FAT3: variants seen among roughly 807,000 people sequenced by gnomAD.
FAT3 encodes protocadherin Fat 3.
Under a neutral mutation model 310.2 loss-of-function variants are expected in FAT3, and 95 were observed. The observed-to-expected ratio is 0.31, with a 90% CI of 0.26 to 0.36. The LOEUF is 0.36. Among genes scored for constraint, FAT3 ranks in the 10% least tolerant of loss-of-function variants. The pLI, the probability that FAT3 is intolerant of heterozygous loss-of-function variation, is 1.00. For missense variants in FAT3, 5,408 were observed against 5,715.6 expected, an observed-to-expected ratio of 0.95 and a Z score of 1.74; for synonymous variants, 2,314 against 2,192.9, an observed-to-expected ratio of 1.06 and a Z score of -1.54.
intron 4 of FAT3, among the ~76,000 whole-genome samples, chr11:92,718,552 A>C (rs193232947): frequency 3.3e-5 from 5 of 152,190 alleles, no homozygotes; most frequent in African/African-American, 1.2e-4. Context: ...AAATGGCATC[A>C]ATCTTGTTAT....
intron 3 of FAT3, among the ~76,000 whole-genome samples, chr11:92,594,421 G>C (rs1197346280): frequency 6.6e-6 from 1 of 152,182 alleles, no homozygotes; most frequent in African/African-American, 2.4e-5. Context: ...CACCCTGAGT[G>C]ACAGAGTGAG....
intron 4 of FAT3, among the ~76,000 whole-genome samples, chr11:92,732,262 T>C (rs1343128517): frequency 6.6e-6 from 1 of 152,188 alleles, no homozygotes; most frequent in Non-Finnish European, 1.5e-5. Context: ...TTAGAATCTA[T>C]TTATAGAAAG....
chr11:92,309,664 A>G (rs138453091), intron 1 of FAT3, among the ~76,000 whole-genome samples: 6 of 152,228 alleles, frequency 3.9e-5, no homozygotes, highest in African/African-American at 1.4e-4. Flanking sequence ...TTACCCTGGT[A>G]GCTGGTATCT....
chr11:92,550,770 C>CT (rs11472875), intron 3 of FAT3, among the ~76,000 whole-genome samples: 22,247 of 142,058 alleles, frequency 0.16, 2,302 homozygotes, highest in Non-Finnish European at 0.23. Context: ...CCACATTTAT[C>CT]TTTTTTTTTT....
chr11:92,690,197 C>T (rs555855188), intron 3 of FAT3, among the ~76,000 whole-genome samples: 29 of 152,332 alleles, frequency 1.9e-4, no homozygotes, highest in South Asian at 8.3e-4. Context: ...GAAATGCCAT[C>T]CATTGGCTTG....
At chr11:92,610,446 AC>A (rs1485137179) in intron 3 of FAT3, among the ~76,000 whole-genome samples, 1 of 152,164 alleles carries the variant, frequency 6.6e-6, no homozygotes, top group South Asian at 2.1e-4. Flanking sequence ...ATTAAGCTGT[AC>A]TCCTTAAAAA....
chr11:92,396,898 G>A (rs1048870945), intron 2 of FAT3, among the ~76,000 whole-genome samples: 1 of 151,974 alleles, frequency 6.6e-6, no homozygotes, highest in Admixed American at 6.6e-5. Context: ...GTAGAGACAG[G>A]GTTTCACCAT....
At chr11:92,292,548 G>A (rs11825006) in intron 1 of FAT3, among the ~76,000 whole-genome samples, 199 of 152,150 alleles carry the variant, frequency 1.3e-3, no homozygotes, top group African/African-American at 4.6e-3. Flanking sequence ...ATGCTACAGT[G>A]TTTATTAAGC....
chr11:92,665,703 A>G (rs1188796883), intron 3 of FAT3, among the ~76,000 whole-genome samples: 1 of 152,200 alleles, frequency 6.6e-6, no homozygotes, highest in African/African-American at 2.4e-5. Flanking sequence ...CTATTTGCCC[A>G]TGTTCTCCTG....
At chr11:92,733,829 A>G (rs1300988271) in intron 4 of FAT3, among the ~76,000 whole-genome samples, 1 of 152,244 alleles carries the variant, frequency 6.6e-6, no homozygotes, top group Non-Finnish European at 1.5e-5. Context: ...AATCCTCACA[A>G]TAGAGATGAT....
intron 3 of FAT3, among the ~76,000 whole-genome samples, chr11:92,578,985 G>C (rs1047559084): frequency 6.6e-6 from 1 of 152,076 alleles, no homozygotes; most frequent in Non-Finnish European, 1.5e-5. Context: ...GACTGGAATG[G>C]TATTACTTAT....
chr11:92,756,759 A>T (rs1298945138), intron 4 of FAT3, among the ~76,000 whole-genome samples: 1 of 152,014 alleles, frequency 6.6e-6, no homozygotes, highest in Non-Finnish European at 1.5e-5. Flanking sequence ...TAACTTCAAA[A>T]TTCTCAGTGT....
chr11:92,895,470 GTAA>G lies in FAT3; in HGVS notation c.*4363_*4365del. 6.6e-6 allele frequency: 1 copy of G among 152,284 alleles called. No individual in the cohort carries two copies. Among genetic ancestry groups the G allele is most frequent in the East Asian group, 1.9e-4 (1 of 5,182 alleles). The allele number at this position is 152,284 out of a possible 1,614,324, so 9.4% of individuals were successfully genotyped here. A position where few individuals can be genotyped will look rare whatever the true frequency, so the allele number is the denominator to read the frequency against. On this transcript the variant is annotated 3_prime_UTR_variant, in exon 28 of 28. Transcript: ENST00000525166. ...AATGAAAAGCAATAATTACAAGTAG[GTAA>G]TAATACACAAAGGCCATAATTAGTC...
chr11:92,400,370 A>C (rs1949985338), intron 2 of FAT3: 1 of 152,126 alleles, frequency 6.6e-6, no homozygotes, highest in Admixed American at 6.6e-5. Context: ...TTTGACTTTG[A>C]TTGTGTCCTT....
chr11:92,881,359 A>AC (rs915196985), intron 23 of FAT3, among the ~76,000 whole-genome samples: 2 of 152,182 alleles, frequency 1.3e-5, no homozygotes, highest in African/African-American at 4.8e-5. Flanking sequence ...AAGGAAAGAG[A>AC]CCGTTTTAAA....
chr11:92,878,005 A>C (rs1183728052), intron 22 of FAT3, among the ~76,000 whole-genome samples: 1 of 152,254 alleles, frequency 6.6e-6, no homozygotes, highest in African/African-American at 2.4e-5. Flanking sequence ...TCAAAAAATC[A>C]TAAGTTGAAC....
chr11:92,276,931 C>T lies in FAT3; in HGVS notation c.-18+51757C>T, dbSNP rs554469223. ...TTAACTAACCCATTTACGTTCCTTT[C>T]TGGCTCCAAGACACACTGTTCCCAC... On this transcript the variant is annotated intron_variant, in intron 1 of 27. Coordinates refer to ENST00000525166, the MANE Select transcript of FAT3 (RefSeq NM_001367949.2). 3.3e-5 allele frequency among the ~76,000 whole-genome samples: 5 copies of T among 152,254 alleles called. No individual in the cohort carries two copies. The South Asian group carries it at 1.0e-3, about 32-fold the overall frequency.
rs563746953 is a variant in FAT3, at chr11:92,305,827, G to T, written c.-17-46269G>T. ...GTCCCGGATTGGAGGGGACTTAGTA[G>T]AAATGGCATCTAAATTCAGTGTGAG... On this transcript the variant is annotated intron_variant, in intron 1 of 27. Coordinates refer to ENST00000525166, the MANE Select transcript of FAT3 (RefSeq NM_001367949.2). 2.6e-5 allele frequency among the ~76,000 whole-genome samples: 4 copies of T among 152,272 alleles called. No individual in the cohort carries two copies. The South Asian group carries it at 8.3e-4, about 32-fold the overall frequency.
chr11:92,811,218 T>G (rs1322491018), intron 13 of FAT3, among the ~76,000 whole-genome samples: 2 of 152,204 alleles, frequency 1.3e-5, no homozygotes, highest in Non-Finnish European at 2.9e-5. Flanking sequence ...ATAGTCTCTT[T>G]TTTAAAGGAG....
Sources: allele counts gnomAD v4.1 joint callset (sites outside exome capture counted in the v4.1 genomes callset), GRCh38; gene constraint gnomAD v4.1.1; transcripts MANE v1.5; gene names NCBI Gene and HGNC (gene_info 2026-07-23, HGNC 2026-07-21).